The following MKLN1 variants were observed in gnomAD, a reference collection of about 807,000 sequenced individuals.
MKLN1 encodes the protein muskelin 1, also known as muskelin.
Under a neutral mutation model 99.0 loss-of-function variants are expected in MKLN1, and 18 were observed. That is an observed-to-expected ratio of 0.18 (90% confidence interval 0.13 to 0.27). The LOEUF (loss-of-function observed/expected upper bound fraction) is 0.27, where lower values mean the gene tolerates loss of function less well. Among genes scored for constraint, MKLN1 ranks in the 10% least tolerant of loss-of-function variants. The pLI, the probability that MKLN1 is intolerant of heterozygous loss-of-function variation, is 1.00. For missense variants in MKLN1, 621 were observed against 875.9 expected (o/e 0.71, Z 3.67); for synonymous variants, 288 against 293.2 (o/e 0.98, Z 0.18).
intron 2 of MKLN1, among the ~76,000 whole-genome samples, chr7:131,187,088 T>C (rs1046604986): frequency 2.6e-5 from 4 of 152,210 alleles, no homozygotes; most frequent in Admixed American, 6.5e-5. Context: ...ACATCCAGCA[T>C]GCATTTGTTA....
chr7:131,479,598 A>G (rs10278934), intron 17 of MKLN1, among the ~76,000 whole-genome samples: 149,751 of 151,176 alleles, frequency 0.99, 74,186 homozygotes, highest in Middle Eastern at 1. Flanking sequence ...AGGCTGAGGC[A>G]GGAGGATCAC....
Position 131,151,219 on chromosome 7 carries a change from A to G in MKLN1, c.-297+8278A>G, listed in dbSNP as rs200637107. Among the ~76,000 whole-genome samples, 10 of 152,334 alleles carry G rather than the reference A, an allele frequency of 6.6e-5. No homozygotes were observed. In the East Asian group the frequency reaches 1.4e-3, roughly 21 times the overall value. ...GAAGGAGCAGCCTTCCCTCTGACTCACTTAGCTGTGAAAATAGGACTCTGC... is the reference window on the plus strand; with the variant it reads ...GAAGGAGCAGCCTTCCCTCTGACTCGCTTAGCTGTGAAAATAGGACTCTGC... On this transcript the variant is annotated intron_variant, in intron 2 of 7. Transcript: ENST00000416992.
chr7:131,404,183 T>C (rs747628112), intron 6 of MKLN1, among the ~76,000 whole-genome samples: 1 of 152,320 alleles, frequency 6.6e-6, no homozygotes, highest in Middle Eastern at 3.4e-3. Context: ...GTGCATGTCT[T>C]GTTTTGTTAT....
At chr7:131,369,159 G>T (rs986175147) in intron 1 of MKLN1, among the ~76,000 whole-genome samples, 5 of 151,958 alleles carry the variant, frequency 3.3e-5, no homozygotes, top group Non-Finnish European at 7.4e-5. Context: ...TAATTTATTT[G>T]ATCATTTCCT....
intron 3 of MKLN1, among the ~76,000 whole-genome samples, chr7:131,265,350 C>T (rs550541276): frequency 6.6e-6 from 1 of 152,312 alleles, no homozygotes; most frequent in South Asian, 2.1e-4. Context: ...GTTCTCTTTT[C>T]TTCCTCTTTA....
intron 1 of MKLN1, among the ~76,000 whole-genome samples, chr7:131,117,193 A>G (rs974625568): frequency 2.4e-4 from 37 of 152,250 alleles, no homozygotes; most frequent in Non-Finnish European, 1.6e-4. Context: ...GCACTTTGGG[A>G]GGCTGAGGTG....
intron 3 of MKLN1, among the ~76,000 whole-genome samples, chr7:131,238,541 A>C (rs756897095): frequency 6.6e-6 from 1 of 152,236 alleles, no homozygotes; most frequent in Non-Finnish European, 1.5e-5. Context: ...AAGGAAGAGA[A>C]GCAGGCACTG....
intron 1 of MKLN1, among the ~76,000 whole-genome samples, chr7:131,132,947 A>AAGAAAGAAAG (rs1554526877): frequency 2.5e-4 from 14 of 56,608 alleles, no homozygotes; most frequent in African/African-American, 4.7e-4. Context: ...AAAAAAAAAA[A>AAGAAAGAAAG]AAAGAAAGAA....
At chr7:131,460,089 T>C (rs1264054216) in intron 12 of MKLN1, among the ~76,000 whole-genome samples, 1 of 152,210 alleles carries the variant, frequency 6.6e-6, no homozygotes, top group East Asian at 1.9e-4. Context: ...CTTTTCATAG[T>C]CCCTGCTCCT....
chr7:131,349,451 T>C (rs979089329), intron 1 of MKLN1, among the ~76,000 whole-genome samples: 5 of 152,216 alleles, frequency 3.3e-5, no homozygotes, highest in South Asian at 4.1e-4. Context: ...TGCCTCAGCC[T>C]CCCAAAGTGC....
chr7:131,170,964 A>G (rs556191914), intron 2 of MKLN1, among the ~76,000 whole-genome samples: 1 of 152,276 alleles, frequency 6.6e-6, no homozygotes, highest in South Asian at 2.1e-4. Flanking sequence ...CAGGCTGGAG[A>G]CCCATTTTGG....
intron 1 of MKLN1, among the ~76,000 whole-genome samples, chr7:131,341,549 A>G (rs968594410): frequency 6.6e-6 from 1 of 152,220 alleles, no homozygotes; most frequent in Non-Finnish European, 1.5e-5. Flanking sequence ...ATTCTGTTGT[A>G]TCGATATACC....
At chr7:131,377,905 A>G (rs1793712214) in intron 2 of MKLN1, among the ~76,000 whole-genome samples, 1 of 152,202 alleles carries the variant, frequency 6.6e-6, no homozygotes, top group South Asian at 2.1e-4. Flanking sequence ...AAGAAGGACT[A>G]ATTTGTCATG....
At chr7:131,178,047 G>C (rs1013372264) in intron 2 of MKLN1, among the ~76,000 whole-genome samples, 5 of 152,164 alleles carry the variant, frequency 3.3e-5, no homozygotes, top group African/African-American at 9.7e-5. Flanking sequence ...GGAGGAAAAA[G>C]AGTAAAAATG....
intron 6 of MKLN1, among the ~76,000 whole-genome samples, chr7:131,409,556 T>C (rs1346606732): frequency 6.6e-6 from 1 of 152,134 alleles, no homozygotes; most frequent in Non-Finnish European, 1.5e-5. Context: ...TGAAAAGTCT[T>C]GAAAGCGAAA....
At chr7:131,440,221 G>A (rs930817974) in intron 10 of MKLN1, among the ~76,000 whole-genome samples, 90 of 152,168 alleles carry the variant, frequency 5.9e-4, no homozygotes, top group African/African-American at 2.1e-3. Flanking sequence ...AAAAGTGAAG[G>A]AAACACAGTG....
At chr7:131,318,777 C>T (rs1227393816) in intron 3 of MKLN1, among the ~76,000 whole-genome samples, 3 of 152,094 alleles carry the variant, frequency 2.0e-5, no homozygotes, top group Admixed American at 1.3e-4. Context: ...CCACTGATCC[C>T]ACAGAAATAC....
chr7:131,270,068 C>T (rs934125933), intron 3 of MKLN1, among the ~76,000 whole-genome samples: 7 of 143,750 alleles, frequency 4.9e-5, no homozygotes, highest in Non-Finnish European at 7.6e-5. Flanking sequence ...GGACTACAGG[C>T]ATTGCCACCA....
In MKLN1 at chr7:131,406,683, C is replaced by A. The variant is rs375281484; in HGVS notation, c.704-4623C>A. Among the ~76,000 whole-genome samples, 24 of 152,082 alleles carry A rather than the reference C, an allele frequency of 1.6e-4. No individual in the cohort carries two copies. In the East Asian group the frequency reaches 4.6e-3, roughly 29 times the overall value. Reference sequence around the variant, plus strand: ...GAATTTCTTCTATAATGCAGCTCAACTCTCTCAGAATTGATGGCCTGAAAA... The same window carrying A: ...GAATTTCTTCTATAATGCAGCTCAAATCTCTCAGAATTGATGGCCTGAAAA... On this transcript the variant is annotated intron_variant, in intron 6 of 17. Coordinates refer to ENST00000352689, the MANE Select transcript of MKLN1 (RefSeq NM_013255.5).
Sources: allele counts gnomAD v4.1 joint callset (sites outside exome capture counted in the v4.1 genomes callset), GRCh38; gene constraint gnomAD v4.1.1; transcripts MANE v1.5; gene names NCBI Gene and HGNC (gene_info 2026-07-23, HGNC 2026-07-21).